KDM8: variants seen among roughly 807,000 people sequenced by gnomAD.
KDM8 encodes lysine demethylase 8, also known as bifunctional peptidase and arginyl-hydroxylase JMJD5.
KDM8 carries 35 observed loss-of-function variants against 46.9 expected under a neutral mutation model. The ratio of observed to expected loss-of-function variants is 0.75; its 90% CI spans 0.57 to 0.99. The LOEUF (loss-of-function observed/expected upper bound fraction) is 0.99, where lower values mean the gene tolerates loss of function less well. Ranked by LOEUF, KDM8 falls within the 50% of genes least tolerant of loss-of-function variation. The pLI is 0.00. For missense variants in KDM8, 475 were observed against 537.0 expected, an observed-to-expected ratio of 0.88 and a Z score of 1.14; for synonymous variants, 232 against 227.7, an observed-to-expected ratio of 1.02 and a Z score of -0.17.
chr16:27,210,994 A>T (rs551863675), intron 2 of KDM8, among the ~76,000 whole-genome samples: 1 of 152,144 alleles, frequency 6.6e-6, no homozygotes, highest in Admixed American at 6.5e-5. Flanking sequence ...TCTCAGGCTA[A>T]TCTGGAACTC....
At chr16:27,205,314 C>G (rs1239915533) in intron 1 of KDM8, among the ~76,000 whole-genome samples, 1 of 152,204 alleles carries the variant, frequency 6.6e-6, no homozygotes, top group Non-Finnish European at 1.5e-5. Flanking sequence ...TAGCACATAA[C>G]AGCCTATATT....
chr16:27,214,943 GATGAGGAATGGTCCCAGACCCTC>G lies in KDM8; in HGVS notation c.738_760del (p.Glu246AspfsTer13), dbSNP rs2083531103. ...AGTGGAAGTTGGTTCGAGGTACACA[GATGAGGAATGGTCCCAGACCCTC>G]ATGACGGTCAACGAGTTCATCAGCA... On this transcript the variant is annotated frameshift_variant, in exon 4 of 8. Coordinates refer to ENST00000286096, the MANE Select transcript of KDM8 (RefSeq NM_024773.3). LOFTEE classifies it high-confidence loss of function. The G allele has an allele frequency of 6.2e-7, 1 of 1,614,210 alleles. No homozygotes were observed.
intron 4 of KDM8, 103 bp downstream of exon 4, chr16:27,215,111 G>C: frequency 5.0e-6 from 7 of 1,409,562 alleles, no homozygotes; most frequent in Non-Finnish European, 6.9e-6. Flanking sequence ...TTTTGGAGGA[G>C]CCAGGCTGTA....
chr16:27,204,200 G>A, intron 1 of KDM8: 1 of 1,467,808 alleles, frequency 6.8e-7, no homozygotes, highest in Non-Finnish European at 9.0e-7. Flanking sequence ...CTGGGGCCTG[G>A]GTGTGTGACT....
intron 1 of KDM8, chr16:27,204,117 G>A (rs569547646): frequency 6.5e-7 from 1 of 1,545,914 alleles, no homozygotes; most frequent in Non-Finnish European, 8.7e-7. Context: ...ATGCAGCCCC[G>A]GGGAAGGCGC....
intron 1 of KDM8, chr16:27,204,082 A>T: frequency 1.3e-6 from 2 of 1,547,726 alleles, no homozygotes; most frequent in South Asian, 2.4e-5. Flanking sequence ...TTCCGCCGTC[A>T]GGTCCCAAAT....
intron 1 of KDM8, among the ~76,000 whole-genome samples, chr16:27,205,849 A>G (rs938184313): frequency 3.3e-5 from 5 of 152,202 alleles, no homozygotes; most frequent in Non-Finnish European, 7.3e-5. Context: ...AAAAATAAAA[A>G]TAAAAAAACC....
rs138818472 is a variant in KDM8 at position 27,219,104 on chromosome 16, A to C, written c.987A>C (p.Leu329=). 65 of 1,608,440 alleles carry C rather than the reference A, an allele frequency of 4.0e-5. No homozygotes were observed. In the African/African-American group the frequency reaches 8.3e-4, roughly 20 times the overall value. The change falls in exon 6 of 8, where the codon CTA becomes CTC. Residue 329 remains leucine, a synonymous_variant. Coordinates refer to ENST00000286096, the MANE Select transcript of KDM8 (RefSeq NM_024773.3). ...PLHQDPQQNF[L]VQVMGRKYIR... is the part of the protein sequence containing the mutation. The stretch of plus-strand genomic sequence containing the variant: ...ATCAGGATCCCCAGCAAAACTTCCT[A>C]GTGCAGGTTGGAGCTGCAGCTGGAA...
In KDM8 at chr16:27,221,306, C is replaced by T. The variant is rs111318537; in HGVS notation, c.*576C>T. 92 of 223,230 alleles carry T rather than the reference C, an allele frequency of 4.1e-4. No individual in the cohort carries two copies. The highest frequency in any genetic ancestry group is 1.4e-3 in the African/African-American group (62 of 44,384). The allele number at this position is 223,230 out of a possible 1,614,324, so 13.8% of individuals were successfully genotyped here. A position where few individuals can be genotyped will look rare whatever the true frequency, so the allele number is the denominator to read the frequency against. On this transcript the variant is annotated 3_prime_UTR_variant, in exon 8 of 8. Transcript: ENST00000286096. Reference sequence around the variant, plus strand: ...TTCCTTCCCATAACGGCCTGCTGGACGCCACAGCCTGAATACTGGAGAGAG... The same window carrying T: ...TTCCTTCCCATAACGGCCTGCTGGATGCCACAGCCTGAATACTGGAGAGAG...
intron 1 of KDM8, among the ~76,000 whole-genome samples, chr16:27,205,694 C>T (rs896792953): frequency 6.6e-6 from 1 of 152,098 alleles, no homozygotes. Flanking sequence ...AAAAACTAGC[C>T]AGGCACAGTG....
At chr16:27,209,437 G>A (rs901618972) in intron 1 of KDM8, among the ~76,000 whole-genome samples, 1 of 152,240 alleles carries the variant, frequency 6.6e-6, no homozygotes, top group African/African-American at 2.4e-5. Context: ...ATGTTGGCCA[G>A]GCTGGTCTTG....
intron 5 of KDM8, among the ~76,000 whole-genome samples, chr16:27,216,461 A>G (rs1439167256): frequency 1.3e-5 from 2 of 152,160 alleles, no homozygotes; most frequent in East Asian, 1.9e-4. Flanking sequence ...AGGAGTGCCC[A>G]GGAAGGCAGC....
chr16:27,220,248 AC>A (rs1205869215), intron 6 of KDM8, 144 bp from the exon 7 acceptor site: 5 of 717,564 alleles, frequency 7.0e-6, no homozygotes, highest in African/African-American at 1.8e-5. Context: ...AGAAAAACAT[AC>A]ACGTGGAACC....
At chr16:27,204,322 G>T in intron 1 of KDM8, 1 of 1,371,784 alleles carries the variant, frequency 7.3e-7, no homozygotes, top group Non-Finnish European at 9.4e-7. Flanking sequence ...CAAGCCCGGG[G>T]ACAGGAGGTG....
In KDM8 at chr16:27,219,120, G is replaced by A. The variant is rs2083588678; in HGVS notation, c.993+10G>A. 3.8e-6 allele frequency: 6 copies of A among 1,598,190 alleles called. No individual in the cohort carries two copies. The highest frequency in any genetic ancestry group is 5.1e-6 in the Non-Finnish European group (6 of 1,170,066). On this transcript the variant is annotated intron_variant, in intron 6 of 7. Transcript: ENST00000286096. ...AAACTTCCTAGTGCAGGTTGGAGCT[G>A]CAGCTGGAATAGTGGCCTTCTAACT...
At chr16:27,216,920 A>T (rs2083562019) in intron 5 of KDM8, among the ~76,000 whole-genome samples, 1 of 152,098 alleles carries the variant, frequency 6.6e-6, no homozygotes, top group Non-Finnish European at 1.5e-5. Context: ...GCCATGGTTA[A>T]CCTTGGCTCC....
chr16:27,220,346 G>A, intron 6 of KDM8, 47 bp from the exon 7 acceptor site: 1 of 1,540,556 alleles, frequency 6.5e-7, no homozygotes, highest in Non-Finnish European at 9.0e-7. Flanking sequence ...GCTTGGGGCA[G>A]CAGTGGAGTG....
chr16:27,220,691 T>C lies in KDM8; in HGVS notation c.1212T>C (p.Ala404=). 1.9e-6 allele frequency: 3 copies of C among 1,614,146 alleles called. No homozygotes were observed. In the South Asian group the frequency reaches 3.3e-5, roughly 18 times the overall value. Residue 404 remains alanine, a synonymous_variant, in exon 8 of 8, where the codon GCT becomes GCC. Transcript: ENST00000286096. The part of the protein sequence containing the change: ...IPVKYWHYVR[A]LDLSFSVSFW... ...TGAAATACTGGCATTACGTGCGGGC[T>C]CTGGATTTGAGCTTCTCGGTCAGCT... is the stretch of plus-strand genomic sequence containing the variant.
chr16:27,215,729 G>A (rs1331270687), intron 4 of KDM8, among the ~76,000 whole-genome samples: 1 of 152,202 alleles, frequency 6.6e-6, no homozygotes, highest in Non-Finnish European at 1.5e-5. Context: ...CCAATCAGAT[G>A]GATGAGATCA....
Sources: gnomAD v4.1 joint callset for allele counts (sites outside exome capture counted in the v4.1 genomes callset) on GRCh38, gnomAD v4.1.1 for gene constraint, MANE v1.5 for transcripts, NCBI Gene and HGNC (gene_info 2026-07-23, HGNC 2026-07-21) for gene names.